Variants in METTL8 observed in about 807,000 individuals in gnomAD.
METTL8 encodes the protein methyltransferase 8, tRNA N3-cytidine, also known as tRNA N(3)-cytidine methyltransferase METTL8, mitochondrial.
A neutral mutation model predicts 48.7 loss-of-function variants in METTL8; 32 were observed. The observed-to-expected ratio is 0.66, with a 90% CI of 0.50 to 0.88. The LOEUF (loss-of-function observed/expected upper bound fraction) is 0.88. Ranked by LOEUF, METTL8 falls within the 40% of genes least tolerant of loss-of-function variation. The probability of loss-of-function intolerance (pLI) is 0.00; values close to 1 mark genes in which losing one functional copy is unlikely to be tolerated. For synonymous variants in METTL8, 136 were observed against 157.1 expected (o/e 0.87, Z 1.01); for missense variants, 464 against 474.4 (o/e 0.98, Z 0.20).
chr2:171,334,770 C>T (rs1238254312), intron 5 of METTL8, among the ~76,000 whole-genome samples: 1 of 152,118 alleles, frequency 6.6e-6, no homozygotes, highest in East Asian at 1.9e-4. Context: ...CAAGAGCTTG[C>T]AATTATAAGC....
chr2:171,357,900 T>C (rs773217156), intron 3 of METTL8, among the ~76,000 whole-genome samples: 19 of 152,164 alleles, frequency 1.2e-4, no homozygotes, highest in Non-Finnish European at 2.5e-4. Context: ...TTAGCCATAT[T>C]GCCCAAGTTG....
chr2:171,335,831 G>C (rs1312928692), intron 5 of METTL8, among the ~76,000 whole-genome samples: 1 of 152,204 alleles, frequency 6.6e-6, no homozygotes, highest in Non-Finnish European at 1.5e-5. Context: ...CAGTGGCTAT[G>C]TTAGGATGAT....
In METTL8 at chr2:171,317,053, T is replaced by C. The variant is rs184215465; in HGVS notation, c.*7119A>G. ...TGAGGCAGCAATTACATAGTGTTGCTTGTGCTAAGTACAGAGCATTAAAAA... is the reference window on the plus strand; with the variant it reads ...TGAGGCAGCAATTACATAGTGTTGCCTGTGCTAAGTACAGAGCATTAAAAA... On this transcript the variant is annotated 3_prime_UTR_variant, in exon 10 of 10. Coordinates refer to ENST00000375258, the MANE Select transcript of METTL8 (RefSeq NM_001321154.2). Among the ~76,000 whole-genome samples the C allele has an allele frequency of 6.6e-6, 1 of 152,198 alleles. No homozygotes were observed. The highest frequency in any genetic ancestry group is 6.5e-5 in the Admixed American group (1 of 15,278).
chr2:171,392,004 A>C, intron 2 of METTL8, 39 bp downstream of exon 2: 1 of 1,521,218 alleles, frequency 6.6e-7, no homozygotes, highest in Non-Finnish European at 8.8e-7. Flanking sequence ...GTGATATTTA[A>C]GAAACACACA....
intron 3 of METTL8, among the ~76,000 whole-genome samples, chr2:171,353,061 AG>A (rs1684122039): frequency 6.6e-6 from 1 of 152,104 alleles, no homozygotes; most frequent in Non-Finnish European, 1.5e-5. Flanking sequence ...TTGTGATGTT[AG>A]GGTGTCAATT....
chr2:171,368,740 T>C (rs1685977214), intron 2 of METTL8, among the ~76,000 whole-genome samples: 1 of 152,234 alleles, frequency 6.6e-6, no homozygotes, highest in South Asian at 2.1e-4. Flanking sequence ...TGTATCATAA[T>C]ATGGCAGAAT....
chr2:171,387,120 T>A (rs1311281854), intron 2 of METTL8, among the ~76,000 whole-genome samples: 1 of 1,626 alleles, frequency 6.2e-4, no homozygotes, highest in Non-Finnish European at 1.8e-3. Context: ...AACCCTGGGA[T>A]ACAGAAATCT....
rs1484845060 is a variant in METTL8, at chr2:171,316,367, A to G, written c.*7805T>C. 1.3e-5 allele frequency among the ~76,000 whole-genome samples: 2 copies of G among 152,248 alleles called. No homozygotes were observed. Among genetic ancestry groups the G allele is most frequent in the African/African-American group, 4.8e-5 (2 of 41,466 alleles). On this transcript the variant is annotated 3_prime_UTR_variant, in exon 10 of 10. Coordinates refer to ENST00000375258, the MANE Select transcript of METTL8 (RefSeq NM_001321154.2). ...GTGCTGAATGGGGAAGCCTGGATCC[A>G]TGGTTTTTTCCTAAAGTAAACAAAA...
intron 3 of METTL8, among the ~76,000 whole-genome samples, chr2:171,354,006 T>C (rs1387208635): frequency 2.0e-5 from 3 of 152,212 alleles, no homozygotes; most frequent in African/African-American, 7.2e-5. Flanking sequence ...GTCATTATGA[T>C]GTTAGCTGGT....
rs1237530060 is a variant in METTL8, at chr2:171,320,419, T to G, written c.*3753A>C. The G allele has an allele frequency of 2.6e-5, 4 of 152,250 alleles. No individual in the cohort carries two copies. The East Asian group carries it at 5.8e-4, about 22-fold the overall frequency. The allele number at this position is 152,250 out of a possible 1,614,324, so 9.4% of individuals were successfully genotyped here. ...AGAAAGACACGAAGCCGAATTTTAC[T>G]GTGCCAGTCAAGAGGCTGGCTTGAA... On this transcript the variant is annotated 3_prime_UTR_variant, in exon 10 of 10. Coordinates refer to ENST00000375258, the MANE Select transcript of METTL8 (RefSeq NM_001321154.2).
At chr2:171,352,505 C>T (rs1684049387) in intron 3 of METTL8, among the ~76,000 whole-genome samples, 1 of 152,076 alleles carries the variant, frequency 6.6e-6, no homozygotes, top group Non-Finnish European at 1.5e-5. Context: ...GGAGGATTCC[C>T]TCTTTTTCTA....
chr2:171,374,806 A>T, intron 2 of METTL8: 2 of 651,692 alleles, frequency 3.1e-6, no homozygotes, highest in Non-Finnish European at 5.5e-6. Context: ...TCTGAAATTC[A>T]TCCATGTTGT....
At chr2:171,381,928 C>G (rs1369169258) in intron 2 of METTL8, among the ~76,000 whole-genome samples, 1 of 151,912 alleles carries the variant, frequency 6.6e-6, no homozygotes, top group African/African-American at 2.4e-5. Context: ...ACTACAGGCA[C>G]GCATCACCAC....
Position 171,315,973 on chromosome 2 carries a change from A to AG in METTL8, c.*8198dup, listed in dbSNP as rs1227253051. Reference sequence around the variant, plus strand: ...AGGCACTTGCCAATGACACTGGAGTAGGGGTAAGCCCTGGGTGTGTTGTGT... The same window carrying AG: ...AGGCACTTGCCAATGACACTGGAGTAGGGGGTAAGCCCTGGGTGTGTTGTGT... On this transcript the variant is annotated 3_prime_UTR_variant, in exon 10 of 10. Transcript: ENST00000375258. 6.6e-6 allele frequency among the ~76,000 whole-genome samples: 1 copy of AG among 152,220 alleles called. No homozygotes were observed. The highest frequency in any genetic ancestry group is 1.5e-5 in the Non-Finnish European group (1 of 68,030).
chr2:171,360,595 T>C (rs1312647004), intron 2 of METTL8, 82 bp from the exon 3 acceptor site: 1 of 1,185,594 alleles, frequency 8.4e-7, no homozygotes, highest in Non-Finnish European at 1.2e-6. Flanking sequence ...ACATCTTTCA[T>C]TCTAGATTAG....
At chr2:171,407,227 A>G (rs911074804) in intron 1 of METTL8, among the ~76,000 whole-genome samples, 1 of 151,844 alleles carries the variant, frequency 6.6e-6, no homozygotes, top group Non-Finnish European at 1.5e-5. Context: ...AAGGGGAGGG[A>G]CCCAGCAACT....
At chr2:171,353,530 T>C (rs187424858) in intron 3 of METTL8, among the ~76,000 whole-genome samples, 54 of 152,358 alleles carry the variant, frequency 3.5e-4, no homozygotes, top group African/African-American at 1.2e-3. Context: ...CGTTGTTAAC[T>C]TTCTGTCTCA....
intron 5 of METTL8, among the ~76,000 whole-genome samples, chr2:171,333,908 T>C (rs1002766274): frequency 3.0e-4 from 46 of 152,174 alleles, no homozygotes; most frequent in African/African-American, 9.7e-4. Context: ...TTGAAGTGAA[T>C]GGATTCTTAT....
At position 171,375,066 on chromosome 2, in the gene METTL8, T is replaced by C. The variant is rs1293654123; in HGVS notation, c.144-14553A>G. On this transcript the variant is annotated intron_variant, in intron 2 of 9. Coordinates refer to ENST00000375258, the MANE Select transcript of METTL8 (RefSeq NM_001321154.2). ...GAATTGCACAACTCACACAGTAATA[T>C]AGCTTCACATACAGCTTGGGAAGCA... 28 of 1,132,482 alleles carry C rather than the reference T, an allele frequency of 2.5e-5. No homozygotes were observed. The East Asian group carries it at 3.3e-4, about 13-fold the overall frequency. The allele number at this position is 1,132,482 out of a possible 1,614,324, so 70.2% of individuals were successfully genotyped here.
Sources: gnomAD v4.1 joint callset for allele counts (sites outside exome capture counted in the v4.1 genomes callset) on GRCh38, gnomAD v4.1.1 for gene constraint, MANE v1.5 for transcripts, NCBI Gene and HGNC (gene_info 2026-07-23, HGNC 2026-07-21) for gene names.